The following SGCZ variants were observed in gnomAD, a reference collection of about 807,000 sequenced individuals.
SGCZ encodes the protein sarcoglycan zeta, also known as zeta-sarcoglycan.
A neutral mutation model predicts 41.3 loss-of-function variants in SGCZ; 40 were observed. The observed-to-expected ratio is 0.97, with a 90% CI of 0.75 to 1.26. The LOEUF (loss-of-function observed/expected upper bound fraction) is 1.26. SGCZ is among the 50% of genes most tolerant of loss of function. The probability of loss-of-function intolerance (pLI) is 0.00; values close to 1 mark genes in which losing one functional copy is unlikely to be tolerated. For missense variants in SGCZ, 552 were observed against 369.8 expected (o/e 1.49, Z -4.04); for synonymous variants, 206 against 137.5 (o/e 1.50, Z -3.49).
chr8:15,003,583 T>C (rs750290249), intron 1 of SGCZ, among the ~76,000 whole-genome samples: 1 of 152,166 alleles, frequency 6.6e-6, no homozygotes, highest in Non-Finnish European at 1.5e-5. Flanking sequence ...CTTAAATAAA[T>C]AGACCAAACT....
At chr8:15,118,921 T>C (rs1807375344) in intron 1 of SGCZ, among the ~76,000 whole-genome samples, 1 of 152,166 alleles carries the variant, frequency 6.6e-6, no homozygotes, top group South Asian at 2.1e-4. Context: ...ATCATGCACA[T>C]TATAGAGACA....
At chr8:14,903,071 C>G (rs917205539) in intron 1 of SGCZ, among the ~76,000 whole-genome samples, 3 of 152,106 alleles carry the variant, frequency 2.0e-5, no homozygotes, top group African/African-American at 7.2e-5. Flanking sequence ...TGCCACTGTT[C>G]TGTATCCAGT....
intron 1 of SGCZ, among the ~76,000 whole-genome samples, chr8:15,044,131 T>C (rs1464526079): frequency 6.6e-6 from 1 of 152,166 alleles, no homozygotes; most frequent in Non-Finnish European, 1.5e-5. Context: ...TCCAAATGAA[T>C]TTATCCCCTA....
At chr8:14,855,974 G>A (rs769033611) in intron 1 of SGCZ, among the ~76,000 whole-genome samples, 15 of 152,142 alleles carry the variant, frequency 9.9e-5, no homozygotes, top group African/African-American at 3.4e-4. Context: ...AACAAACAAT[G>A]CTACAATATA....
chr8:15,061,546 GA>G (rs1360710120), intron 1 of SGCZ, among the ~76,000 whole-genome samples: 1 of 146,978 alleles, frequency 6.8e-6, no homozygotes. Context: ...AAAAAAACAG[GA>G]AAAAATTAAA....
intron 4 of SGCZ, among the ~76,000 whole-genome samples, chr8:14,224,515 GT>G (rs1461748732): frequency 1.3e-5 from 2 of 152,126 alleles, no homozygotes; most frequent in East Asian, 3.9e-4. Context: ...TCACCATTTA[GT>G]ATATATTATG....
intron 1 of SGCZ, among the ~76,000 whole-genome samples, chr8:15,206,577 T>C (rs1191228313): frequency 6.6e-6 from 1 of 151,408 alleles, no homozygotes; most frequent in African/African-American, 2.4e-5. Flanking sequence ...GCCTCCGGAG[T>C]AGCTGGGATT....
At chr8:14,697,842 AT>A (rs2117588776) in intron 1 of SGCZ, among the ~76,000 whole-genome samples, 1 of 152,028 alleles carries the variant, frequency 6.6e-6, no homozygotes, top group East Asian at 1.9e-4. Context: ...AATTCTCAAC[AT>A]TTGTTCTTTT....
chr8:14,304,591 A>C (rs1177450671), intron 3 of SGCZ, among the ~76,000 whole-genome samples: 1 of 152,310 alleles, frequency 6.6e-6, no homozygotes, highest in East Asian at 1.9e-4. Context: ...TCTCTAAGAA[A>C]GTGAAAATGA....
chr8:15,106,190 A>G (rs1378683982), intron 1 of SGCZ, among the ~76,000 whole-genome samples: 1 of 152,140 alleles, frequency 6.6e-6, no homozygotes, highest in Non-Finnish European at 1.5e-5. Flanking sequence ...TTTTACTACT[A>G]ATTAGTAAAT....
At chr8:14,792,348 G>C (rs895716703) in intron 1 of SGCZ, among the ~76,000 whole-genome samples, 1 of 152,028 alleles carries the variant, frequency 6.6e-6, no homozygotes, top group East Asian at 1.9e-4. Context: ...ATATCGCTCA[G>C]GCTGTTAACT....
chr8:14,451,845 G>T (rs1284048624), intron 2 of SGCZ, among the ~76,000 whole-genome samples: 2 of 152,204 alleles, frequency 1.3e-5, no homozygotes, highest in Non-Finnish European at 1.5e-5. Flanking sequence ...TACTGGTGAA[G>T]ACATGGAACA....
intron 2 of SGCZ, among the ~76,000 whole-genome samples, chr8:14,355,801 A>T (rs775708940): frequency 4.6e-5 from 7 of 152,238 alleles, no homozygotes; most frequent in Non-Finnish European, 8.8e-5. Flanking sequence ...AGGCATATTA[A>T]ATACAAGAAT....
chr8:15,037,219 T>C (rs752247629), intron 1 of SGCZ, among the ~76,000 whole-genome samples: 14 of 152,158 alleles, frequency 9.2e-5, no homozygotes, highest in Non-Finnish European at 1.8e-4. Context: ...AACTGAATCA[T>C]AATGGAGGCG....
intron 2 of SGCZ, among the ~76,000 whole-genome samples, chr8:14,493,045 T>C (rs769892349): frequency 2.6e-5 from 4 of 152,066 alleles, no homozygotes; most frequent in Non-Finnish European, 4.4e-5. Flanking sequence ...TCCCTGATTG[T>C]CTCTCCAAAA....
At chr8:14,830,962 G>A (rs1413905331) in intron 1 of SGCZ, among the ~76,000 whole-genome samples, 5 of 152,258 alleles carry the variant, frequency 3.3e-5, no homozygotes, top group South Asian at 2.1e-4. Context: ...TTTAGGAAGT[G>A]GAAGTGTAGA....
intron 1 of SGCZ, among the ~76,000 whole-genome samples, chr8:14,764,553 T>TA (rs1799985191): frequency 6.6e-6 from 1 of 152,154 alleles, no homozygotes; most frequent in African/African-American, 2.4e-5. Flanking sequence ...GCAGAAACCA[T>TA]AACCTATATA....
intron 1 of SGCZ, among the ~76,000 whole-genome samples, chr8:14,592,928 T>C (rs559097724): frequency 1.3e-5 from 2 of 152,326 alleles, no homozygotes; most frequent in African/African-American, 4.8e-5. Flanking sequence ...CATTTGTCTT[T>C]AGATATTTCA....
At position 14,085,100 on chromosome 8, in the gene SGCZ, A is replaced by G. The variant is rs978900450; in HGVS notation, c.*5343T>C. Among the ~76,000 whole-genome samples the G allele has an allele frequency of 1.3e-5, 2 of 151,810 alleles. No homozygotes were observed. The highest frequency in any genetic ancestry group is 3.9e-4 in the East Asian group (2 of 5,140). ...ACAATAGACTGATTTTTGAATAGAT[A>G]TGTTATCTACAGTTTATAGGGCAGA... is the stretch of plus-strand genomic sequence containing the variant. On this transcript the variant is annotated 3_prime_UTR_variant, in exon 8 of 8. Transcript: ENST00000382080.
Sources: gnomAD v4.1 joint callset for allele counts (sites outside exome capture counted in the v4.1 genomes callset) on GRCh38, gnomAD v4.1.1 for gene constraint, MANE v1.5 for transcripts, NCBI Gene and HGNC (gene_info 2026-07-23, HGNC 2026-07-21) for gene names.